MECR: variants seen among roughly 807,000 people sequenced by gnomAD.
The protein encoded by MECR is enoyl-[acyl-carrier-protein] reductase, mitochondrial.
A neutral mutation model predicts 49.1 loss-of-function variants in MECR; 37 were observed. That is an observed-to-expected ratio of 0.75 (90% CI 0.58 to 0.99). The LOEUF (loss-of-function observed/expected upper bound fraction) is 0.99. Among genes scored for constraint, MECR ranks in the 50% least tolerant of loss-of-function variants. The pLI, the probability that MECR is intolerant of heterozygous loss-of-function variation, is 0.00. For synonymous variants in MECR, 198 were observed against 191.1 expected, an observed-to-expected ratio of 1.04 and a Z score of -0.30; for missense variants, 470 against 479.6, an observed-to-expected ratio of 0.98 and a Z score of 0.19.
rs60038088 is a variant in MECR at position 29,227,735 on chromosome 1, A to G, written c.176+2996T>C. ...CTGGTGTAACCTGACCCAGACAGCC[A>G]GTTACCAGGATGTGTAAAGGACACC... On this transcript the variant is annotated intron_variant, in intron 1 of 9. Coordinates refer to ENST00000263702, the MANE Select transcript of MECR (RefSeq NM_016011.5). Among the ~76,000 whole-genome samples the G allele has an allele frequency of 3.9e-5, 6 of 152,338 alleles. No individual in the cohort carries two copies. In the East Asian group the frequency reaches 1.2e-3, roughly 29 times the overall value.
chr1:29,179,362 T>C, the MECR span, among the ~76,000 whole-genome samples: 2 of 152,102 alleles, frequency 1.3e-5, no homozygotes, highest in Admixed American at 6.5e-5. Flanking sequence ...AAAGTCAGCA[T>C]TGTACTTATT....
At chr1:29,202,290 T>C (rs1474147054) in intron 5 of MECR, among the ~76,000 whole-genome samples, 1 of 152,164 alleles carries the variant, frequency 6.6e-6, no homozygotes. Context: ...AGCTCAATAG[T>C]GTTAGAAGCC....
intron 3 of MECR, among the ~76,000 whole-genome samples, chr1:29,213,642 T>C (rs1359532962): frequency 1.3e-5 from 2 of 152,374 alleles, no homozygotes; most frequent in Middle Eastern, 3.4e-3. Flanking sequence ...TATGCTCATT[T>C]GTTTGTTTTT....
At chr1:29,182,033 G>C in the MECR span, 7 of 304,010 alleles carry the variant, frequency 2.3e-5, no homozygotes, top group East Asian at 4.3e-4. Context: ...GACGTGCGGC[G>C]GGGCAAGGTG....
the MECR span, among the ~76,000 whole-genome samples, chr1:29,178,146 T>C: frequency 1.3e-5 from 2 of 152,010 alleles, no homozygotes; most frequent in African/African-American, 4.8e-5. Context: ...GTGATCCACC[T>C]ACCTCGGCCT....
At chr1:29,182,624 A>G in the MECR span, among the ~76,000 whole-genome samples, 4 of 151,864 alleles carry the variant, frequency 2.6e-5, no homozygotes, top group East Asian at 1.9e-4. Flanking sequence ...GCTCACTGCA[A>G]CCTCCGCCTC....
Position 29,230,898 on chromosome 1 carries a change from G to C in MECR, c.9C>G (p.Val3=). The change falls in exon 1 of 10, where the codon GTC becomes GTG. Residue 3 remains valine (V), a synonymous_variant. Transcript: ENST00000263702. Reference sequence around the variant, plus strand: ...TTCGCACCCGCCACAGGGTACTGCAGACCCACATGCTCGCTCCAACCAACA... The same window carrying C: ...TTCGCACCCGCCACAGGGTACTGCACACCCACATGCTCGCTCCAACCAACA... MW[V]CSTLWRVRTP... The C allele has an allele frequency of 6.2e-7, 1 of 1,604,546 alleles. No individual in the cohort carries two copies. The highest frequency in any genetic ancestry group is 8.5e-7 in the Non-Finnish European group (1 of 1,178,298).
At chr1:29,174,409 G>A in the MECR span, among the ~76,000 whole-genome samples, 7 of 152,238 alleles carry the variant, frequency 4.6e-5, no homozygotes, top group Admixed American at 2.6e-4. Flanking sequence ...TATTATACAT[G>A]CATAAAATAG....
intron 3 of MECR, among the ~76,000 whole-genome samples, chr1:29,210,882 C>G (rs561866195): frequency 6.6e-6 from 1 of 152,328 alleles, no homozygotes; most frequent in East Asian, 1.9e-4. Context: ...TGTACAGAGA[C>G]TATCACTATG....
chr1:29,206,821 A>T lies in MECR; in HGVS notation c.491T>A (p.Leu164Gln). ...GTAGGCTGTGCAGGGATTGACACCC[A>T]GGGTGGCAGCGCTCTGAAGAGGGAT... ...SDIPLQSAAT[L>Q]GVNPCTAYRM... Residue 164 changes from leucine to glutamine, a missense_variant, in exon 4 of 10, where the codon CTG (leucine) becomes CAG (glutamine). By Grantham distance (113) the Leu-to-Gln change is moderately radical. Coordinates refer to ENST00000263702, the MANE Select transcript of MECR (RefSeq NM_016011.5). The T allele has an allele frequency of 6.2e-7, 1 of 1,614,190 alleles. No homozygotes were observed. Among genetic ancestry groups the T allele is most frequent in the South Asian group, 1.1e-5 (1 of 91,086 alleles).
chr1:29,184,176 CT>C, the MECR span, among the ~76,000 whole-genome samples: 88,929 of 109,838 alleles, frequency 0.81, 36,010 homozygotes, highest in Non-Finnish European at 0.85. Context: ...CTGTACCCGG[CT>C]TTTTTTTTTT....
In MECR at chr1:29,230,870, G is replaced by A. The variant is rs1356382797; in HGVS notation, c.37C>T (p.Pro13Ser). Residue 13 changes from proline to serine, a missense_variant, in exon 1 of 10, where the codon CCC becomes TCC. Transcript: ENST00000263702. ...AGCAGCCCCCGCCACTGCCGGGCGGGGGTTCGCACCCGCCACAGGGTACTG... is the reference window on the plus strand; with the variant it reads ...AGCAGCCCCCGCCACTGCCGGGCGGAGGTTCGCACCCGCCACAGGGTACTG... Reference protein sequence around the residue: ...VCSTLWRVRTPARQWRGLLPA... With the variant: ...VCSTLWRVRTSARQWRGLLPA... 1.8e-5 allele frequency: 29 copies of A among 1,607,524 alleles called. No individual in the cohort carries two copies. The highest frequency in any genetic ancestry group is 2.7e-5 in the African/African-American group (2 of 74,838).
At chr1:29,190,959 T>C (rs761330806), downstream of MECR, among the ~76,000 whole-genome samples, 13 of 152,172 alleles carry the variant, frequency 8.5e-5, no homozygotes, top group South Asian at 2.1e-4. Flanking sequence ...GTTTTAATTC[T>C]CAGGAAGAGA....
intron 3 of MECR, among the ~76,000 whole-genome samples, chr1:29,209,473 AGACTGTG>A (rs1677414326): frequency 6.6e-6 from 1 of 152,136 alleles, no homozygotes; most frequent in Non-Finnish European, 1.5e-5. Flanking sequence ...TGCTGGGTGA[AGACTGTG>A]GAGTGGGGAG....
At position 29,230,865 on chromosome 1, in the gene MECR, G is replaced by A. The variant is rs1574564577; in HGVS notation, c.42C>T (p.Ala14=). 1 of 1,607,866 alleles carries A rather than the reference G, an allele frequency of 6.2e-7. No individual in the cohort carries two copies. Among genetic ancestry groups the A allele is most frequent in the Non-Finnish European group, 8.5e-7 (1 of 1,179,250 alleles). ...CTGGGAGCAGCCCCCGCCACTGCCG[G>A]GCGGGGGTTCGCACCCGCCACAGGG... The part of the protein sequence containing the change: ...CSTLWRVRTP[A]RQWRGLLPAS... The change falls in exon 1 of 10, where the codon GCC becomes GCT. Residue 14 remains alanine, a synonymous_variant. Coordinates refer to ENST00000263702, the MANE Select transcript of MECR (RefSeq NM_016011.5).
At chr1:29,184,709 G>A in the MECR span, among the ~76,000 whole-genome samples, 1 of 152,098 alleles carries the variant, frequency 6.6e-6, no homozygotes, top group Non-Finnish European at 1.5e-5. Flanking sequence ...AGCCGAGATC[G>A]TGCCATCACA....
downstream of MECR, among the ~76,000 whole-genome samples, chr1:29,192,539 C>T (rs570252585): frequency 3.3e-5 from 5 of 152,244 alleles, no homozygotes; most frequent in South Asian, 8.3e-4. Flanking sequence ...GGGCCAGCAG[C>T]ACTTCTTTCA....
chr1:29,223,480 G>A (rs1681280916), intron 1 of MECR: 1 of 169,300 alleles, frequency 5.9e-6, no homozygotes, highest in African/African-American at 2.4e-5. Context: ...ACATCAAACG[G>A]TCAATATCAT....
chr1:29,223,973 A>G (rs1290906888), intron 1 of MECR: 1 of 152,070 alleles, frequency 6.6e-6, no homozygotes, highest in Non-Finnish European at 1.5e-5. Flanking sequence ...CAGGACTCCC[A>G]CCATTCAGGA....
Sources: gnomAD v4.1 joint callset for allele counts (sites outside exome capture counted in the v4.1 genomes callset) on GRCh38, gnomAD v4.1.1 for gene constraint, MANE v1.5 for transcripts, NCBI Gene and HGNC (gene_info 2026-07-23, HGNC 2026-07-21) for gene names.